The following IGF1R variants were observed in gnomAD, a reference collection of about 807,000 sequenced individuals.
The protein encoded by IGF1R is insulin-like growth factor 1 receptor.
In IGF1R, 44 loss-of-function variants were observed where a neutral mutation model predicts 144.6. That is an observed-to-expected ratio of 0.30 (90% CI 0.24 to 0.39). The LOEUF is 0.39. Among genes scored for constraint, IGF1R ranks in the 10% least tolerant of loss-of-function variants. The probability of loss-of-function intolerance (pLI) is 1.00; values close to 1 mark genes in which losing one functional copy is unlikely to be tolerated. For synonymous variants in IGF1R, 795 were observed against 722.8 expected (o/e 1.10, Z -1.60); for missense variants, 1,355 against 1,833.7 (o/e 0.74, Z 4.77).
At chr15:98,903,031 A>G (rs1295333115) in intron 5 of IGF1R, among the ~76,000 whole-genome samples, 1 of 152,216 alleles carries the variant, frequency 6.6e-6, no homozygotes, top group African/African-American at 2.4e-5. Context: ...AGCCATAGCC[A>G]TGGTTTCCTC....
intron 2 of IGF1R, among the ~76,000 whole-genome samples, chr15:98,812,346 G>A (rs2056609393): frequency 6.7e-6 from 1 of 149,152 alleles, no homozygotes. Context: ...CATTGTTGTT[G>A]TTCTTGAAAA....
intron 20 of IGF1R, 123 bp downstream of exon 20, chr15:98,948,831 C>T: frequency 2.5e-6 from 3 of 1,185,250 alleles, no homozygotes; most frequent in Non-Finnish European, 2.5e-6. Flanking sequence ...CCTTGCCAGG[C>T]GTGGCTAAGA....
At chr15:98,799,732 A>G (rs1039619096) in intron 2 of IGF1R, among the ~76,000 whole-genome samples, 6 of 152,168 alleles carry the variant, frequency 3.9e-5, no homozygotes, top group Admixed American at 6.5e-5. Context: ...GATCCCCAGC[A>G]GTGATGAGCA....
At chr15:98,748,134 T>C (rs2054914483) in intron 2 of IGF1R, among the ~76,000 whole-genome samples, 1 of 152,220 alleles carries the variant, frequency 6.6e-6, no homozygotes, top group African/African-American at 2.4e-5. Context: ...GCTTTCATAT[T>C]TACTTCTGCA....
At chr15:98,836,353 C>T (rs946782444) in intron 2 of IGF1R, among the ~76,000 whole-genome samples, 8 of 149,518 alleles carry the variant, frequency 5.4e-5, no homozygotes, top group Admixed American at 4.0e-4. Flanking sequence ...ACTATCTCTA[C>T]AAAAAAAAAG....
chr15:98,649,636 C>T lies in IGF1R; in HGVS notation c.55C>T (p.Leu19Phe), dbSNP rs765477320. 18 of 1,605,474 alleles carry T rather than the reference C, an allele frequency of 1.1e-5. No homozygotes were observed. The African/African-American group carries it at 2.3e-4, about 21-fold the overall frequency. Residue 19 changes from leucine (L) to phenylalanine (F), a missense_variant, in exon 1 of 21, where the codon CTC becomes TTC. Transcript: ENST00000650285. ...GACCTCGCTGTGGGGGCTCCTGTTTCTCTCCGCCGCGCTCTCGCTCTGGCC... is the reference window on the plus strand; with the variant it reads ...GACCTCGCTGTGGGGGCTCCTGTTTTTCTCCGCCGCGCTCTCGCTCTGGCC... Reference protein sequence around the residue: ...SPTSLWGLLFLSAALSLWPTS... With the variant: ...SPTSLWGLLFFSAALSLWPTS...
intron 19 of IGF1R, among the ~76,000 whole-genome samples, chr15:98,947,929 T>C (rs1469436501): frequency 1.3e-5 from 2 of 152,174 alleles, no homozygotes; most frequent in South Asian, 2.1e-4. Flanking sequence ...AAGATCCCTA[T>C]AGATCTTCTA....
At chr15:98,852,389 C>A (rs1364930185) in intron 2 of IGF1R, among the ~76,000 whole-genome samples, 1 of 152,300 alleles carries the variant, frequency 6.6e-6, no homozygotes, top group South Asian at 2.1e-4. Context: ...TTACTACTTT[C>A]CACTCCGAAT....
intron 1 of IGF1R, among the ~76,000 whole-genome samples, chr15:98,693,106 G>C (rs1381110509): frequency 6.6e-6 from 1 of 152,148 alleles, no homozygotes; most frequent in Non-Finnish European, 1.5e-5. Context: ...AGAGCTTGCA[G>C]CACCCCCCTG....
intron 1 of IGF1R, among the ~76,000 whole-genome samples, chr15:98,665,646 A>G (rs1787928952): frequency 6.6e-6 from 1 of 152,188 alleles, no homozygotes; most frequent in African/African-American, 2.4e-5. Context: ...AAATTAGGGT[A>G]TTTTAAATTG....
At chr15:98,865,296 CT>C (rs1327088435) in intron 2 of IGF1R, among the ~76,000 whole-genome samples, 1 of 152,228 alleles carries the variant, frequency 6.6e-6, no homozygotes, top group Non-Finnish European at 1.5e-5. Context: ...TTGAGTATTA[CT>C]TACAGACCCC....
rs544257830 is a variant in IGF1R, at chr15:98,901,964, A to C, written c.1247+2343A>C. ...TTTGCACGCAGGTATAAAGGGTTAT[A>C]ATTTAGGAAGACCATGGAACGTATT... On this transcript the variant is annotated intron_variant, in intron 5 of 20. Coordinates refer to ENST00000650285, the MANE Select transcript of IGF1R (RefSeq NM_000875.5). 1.2e-4 allele frequency among the ~76,000 whole-genome samples: 18 copies of C among 152,310 alleles called. No homozygotes were observed. The East Asian group carries it at 2.9e-3, about 25-fold the overall frequency.
chr15:98,884,201 C>T (rs115553134), intron 2 of IGF1R, among the ~76,000 whole-genome samples: 17 of 152,236 alleles, frequency 1.1e-4, no homozygotes, highest in East Asian at 7.7e-4. Flanking sequence ...CTGGGTCCCC[C>T]GGGCATCCTC....
At chr15:98,908,558 ATC>A in intron 5 of IGF1R, 125 bp from the exon 6 acceptor site, 1 of 725,996 alleles carries the variant, frequency 1.4e-6, no homozygotes, top group South Asian at 1.5e-5. Context: ...TAATAACTAA[ATC>A]TCTTATTGGC....
At chr15:98,679,439 C>T (rs1378321985) in intron 1 of IGF1R, among the ~76,000 whole-genome samples, 2 of 152,164 alleles carry the variant, frequency 1.3e-5, no homozygotes, top group African/African-American at 4.8e-5. Flanking sequence ...ATGTTTTGGT[C>T]AATGGTGGAC....
chr15:98,774,746 A>T lies in IGF1R; in HGVS notation c.640+66639A>T, dbSNP rs964022968. On this transcript the variant is annotated intron_variant, in intron 2 of 20. Coordinates refer to ENST00000650285, the MANE Select transcript of IGF1R (RefSeq NM_000875.5). ...GGAGTGATGGTTTCACTTTTGCAAG[A>T]TGGAAAAAGTTCTGGAGGTGGCTGG... Among the ~76,000 whole-genome samples, 9 of 152,252 alleles carry T rather than the reference A, an allele frequency of 5.9e-5. No homozygotes were observed. In the East Asian group the frequency reaches 1.5e-3, roughly 26 times the overall value.
rs891730531 is a variant in IGF1R, at chr15:98,707,092, G to T, written c.95-470G>T. Among the ~76,000 whole-genome samples, 1 of 152,164 alleles carries T rather than the reference G, an allele frequency of 6.6e-6. No homozygotes were observed. The highest frequency in any genetic ancestry group is 1.5e-5 in the Non-Finnish European group (1 of 68,026). ...CACAGTGACGGTTCTCCAGTGTAGA[G>T]TAGATTGATTGCCCTGTGTCCTTCA... On this transcript the variant is annotated intron_variant, in intron 1 of 20. Transcript: ENST00000650285. The surrounding 1 kb of genome is among the most constrained non-coding windows in gnomAD (Gnocchi z 6.7).
chr15:98,665,542 G>A (rs565139676), intron 1 of IGF1R, among the ~76,000 whole-genome samples: 1 of 152,270 alleles, frequency 6.6e-6, no homozygotes, highest in South Asian at 2.1e-4. Flanking sequence ...GAAGAGCCTG[G>A]TCACGAGCAT....
At position 98,731,152 on chromosome 15, in the gene IGF1R, C is replaced by T. The variant is rs568840506; in HGVS notation, c.640+23045C>T. On this transcript the variant is annotated intron_variant, in intron 2 of 20. Transcript: ENST00000650285. Reference sequence around the variant, plus strand: ...TTTGATGGCCATTTTGAAATGTTACCGTAGTGATAATTCTTCTGGAATCTC... The same window carrying T: ...TTTGATGGCCATTTTGAAATGTTACTGTAGTGATAATTCTTCTGGAATCTC... Among the ~76,000 whole-genome samples the T allele has an allele frequency of 9.2e-5, 14 of 152,222 alleles. No individual in the cohort carries two copies. The South Asian group carries it at 1.5e-3, about 16-fold the overall frequency.
Sources: gnomAD v4.1 joint callset for allele counts (sites outside exome capture counted in the v4.1 genomes callset) on GRCh38, gnomAD v4.1.1 for gene constraint, Gnocchi (gnomAD v3.1) non-coding constraint, MANE v1.5 for transcripts, NCBI Gene and HGNC (gene_info 2026-07-23, HGNC 2026-07-21) for gene names.